The following NPTXR variants were observed in gnomAD, a reference collection of about 807,000 sequenced individuals.
The protein encoded by NPTXR is neuronal pentraxin receptor.
Under a neutral mutation model 32.2 loss-of-function variants are expected in NPTXR, and 12 were observed. That is an observed-to-expected ratio of 0.37 (90% confidence interval 0.24 to 0.60). The LOEUF is 0.60. NPTXR is among the 20% of genes least tolerant of loss of function. NPTXR has a pLI of 0.66. For missense variants in NPTXR, 612 were observed against 682.9 expected (o/e 0.90, Z 1.16); for synonymous variants, 323 against 315.8 (o/e 1.02, Z -0.24).
chr22:38,830,321 C>T (rs569034806), intron 1 of NPTXR, among the ~76,000 whole-genome samples: 7 of 152,312 alleles, frequency 4.6e-5, no homozygotes, highest in African/African-American at 1.7e-4. Flanking sequence ...GTGCCCAGAG[C>T]CTGGCCCACA....
At chr22:38,822,985 G>A in intron 4 of NPTXR, 98 bp downstream of exon 4, 1 of 1,518,804 alleles carries the variant, frequency 6.6e-7, no homozygotes, top group Middle Eastern at 1.7e-4. Flanking sequence ...CCACCTTCAA[G>A]ATTCTAGTTC....
chr22:38,825,168 G>A (rs934255426), intron 3 of NPTXR, among the ~76,000 whole-genome samples: 1 of 152,156 alleles, frequency 6.6e-6, no homozygotes, highest in African/African-American at 2.4e-5. Flanking sequence ...CCTTGTCCTT[G>A]TCCTGCCTTC....
At chr22:38,828,065 G>C (rs2093110077) in intron 2 of NPTXR, among the ~76,000 whole-genome samples, 1 of 152,176 alleles carries the variant, frequency 6.6e-6, no homozygotes, top group Non-Finnish European at 1.5e-5. Flanking sequence ...CAAGTACTTA[G>C]CCCACTCCCA....
intron 1 of NPTXR, among the ~76,000 whole-genome samples, chr22:38,836,731 CT>C: frequency 6.6e-6 from 1 of 152,188 alleles, no homozygotes; most frequent in Non-Finnish European, 1.5e-5. Flanking sequence ...CGATTTGTGT[CT>C]GTTTAAGTGA....
chr22:38,830,984 G>T (rs2093115276), intron 1 of NPTXR, among the ~76,000 whole-genome samples: 1 of 152,220 alleles, frequency 6.6e-6, no homozygotes, highest in Non-Finnish European at 1.5e-5. Flanking sequence ...GTGGGCATGG[G>T]ATGGGCGAGG....
rs1158449686 is a variant in NPTXR at position 38,822,569 on chromosome 22, A to G, written c.*40T>C. The stretch of plus-strand genomic sequence containing the variant: ...GAATATGACCCCCCTCAAGTCCCCA[A>G]AGTGGCAGGCAAGGGAGGGGCCCTG... On this transcript the variant is annotated 3_prime_UTR_variant, in exon 5 of 5. Transcript: ENST00000333039. The G allele has an allele frequency of 1.7e-5, 27 of 1,551,988 alleles. No homozygotes were observed. The highest frequency in any genetic ancestry group is 3.9e-5 in the Admixed American group (2 of 51,916).
chr22:38,833,626 C>T (rs1382215720), intron 1 of NPTXR, among the ~76,000 whole-genome samples: 1 of 150,978 alleles, frequency 6.6e-6, no homozygotes, highest in Admixed American at 6.6e-5. Context: ...GCATCACAGG[C>T]GTGTCTACTA....
chr22:38,826,838 C>T, intron 2 of NPTXR, 91 bp from the exon 3 acceptor site: 1 of 1,453,588 alleles, frequency 6.9e-7, no homozygotes, highest in East Asian at 2.3e-5. Context: ...TGGCTAACAG[C>T]TCCCAGGCAC....
rs35794436 is a variant in NPTXR at position 38,823,167 on chromosome 22, G to A, written c.1194C>T (p.Asp398=). 1.5e-3 allele frequency: 2,354 copies of A among 1,614,040 alleles called. 37 individuals carry two copies. In the African/African-American group the frequency reaches 0.027, roughly 19 times the overall value. ...TCTCACCGGAGCCCTGCAGCTCCCC[G>A]TCCTGGTAGGCAGACCATAGGCCAT... Residue 398 remains aspartate, a synonymous_variant, in exon 4 of 5, where the codon GAC becomes GAT. Transcript: ENST00000333039.
intron 1 of NPTXR, among the ~76,000 whole-genome samples, chr22:38,838,123 C>T (rs2093126721): frequency 6.6e-6 from 1 of 152,154 alleles, no homozygotes; most frequent in Non-Finnish European, 1.5e-5. Flanking sequence ...TCCCAAAGTG[C>T]TGGGATTACA....
At chr22:38,822,876 G>A (rs773683609) in intron 4 of NPTXR, 43 bp from the exon 5 acceptor site, 3 of 1,573,888 alleles carry the variant, frequency 1.9e-6, no homozygotes, top group South Asian at 1.1e-5. Flanking sequence ...CATGGAGTGA[G>A]GGAGCAGAAA....
intron 1 of NPTXR, among the ~76,000 whole-genome samples, chr22:38,836,936 TCCCGAGTAGCTGG>T (rs1282212871): frequency 1.4e-4 from 22 of 152,158 alleles, no homozygotes; most frequent in Non-Finnish European, 3.2e-4. Flanking sequence ...TGCCTCAGCC[TCCCGAGTAGCTGG>T]GACTATAGGT....
At chr22:38,832,210 C>T (rs2093117331) in intron 1 of NPTXR, among the ~76,000 whole-genome samples, 1 of 152,196 alleles carries the variant, frequency 6.6e-6, no homozygotes, top group South Asian at 2.1e-4. Flanking sequence ...TGTGTGAGTC[C>T]CTCCCCGTCC....
intron 4 of NPTXR, 85 bp from the exon 5 acceptor site, chr22:38,822,918 T>A (rs1258679545): frequency 2.8e-6 from 4 of 1,449,136 alleles, no homozygotes; most frequent in Non-Finnish European, 3.8e-6. Context: ...CAGGCTCTTG[T>A]CCCCGAGGCA....
Position 38,822,620 on chromosome 22 carries a change from C to T in NPTXR, c.1492G>A (p.Ala498Thr), listed in dbSNP as rs367835542. ...GATGAGGTGGCCCCTCATGCCTTGG[C>T]CCTCCCCTTGCAGACATCGAAGGCA... The change falls in exon 5 of 5, where the codon GCC becomes ACC. Residue 498 changes from alanine (A) to threonine (T), a missense_variant. By Grantham distance (58) the Ala-to-Thr change is moderately conservative (BLOSUM62 0). Transcript: ENST00000333039. 3.1e-6 allele frequency: 5 copies of T among 1,609,894 alleles called. No homozygotes were observed. The highest frequency in any genetic ancestry group is 3.4e-5 in the Admixed American group (2 of 59,592).
At chr22:38,839,439 G>A (rs1291376266) in intron 1 of NPTXR, among the ~76,000 whole-genome samples, 1 of 152,340 alleles carries the variant, frequency 6.6e-6, no homozygotes, top group East Asian at 1.9e-4. Flanking sequence ...GAGGTCAGGA[G>A]TTTGAGACCA....
chr22:38,842,767 G>A (rs2093133442), intron 1 of NPTXR, among the ~76,000 whole-genome samples: 1 of 152,232 alleles, frequency 6.6e-6, no homozygotes, highest in South Asian at 2.1e-4. Context: ...TGTGTAATGA[G>A]GGGAGGACCC....
rs185679128 is a variant in NPTXR at position 38,827,476 on chromosome 22, C to T, written c.851-729G>A. 1.7e-3 allele frequency among the ~76,000 whole-genome samples: 258 copies of T among 152,118 alleles called. 1 individual carries two copies. Among genetic ancestry groups the T allele is most frequent in the African/African-American group, 5.9e-3 (243 of 41,474 alleles). ...CTTGAACTCCTGACCTCAGGTGATC[C>T]GCCCACCTCAACCTCCCAAAGTGTC... On this transcript the variant is annotated intron_variant, in intron 2 of 4. Coordinates refer to ENST00000333039, the MANE Select transcript of NPTXR (RefSeq NM_014293.4).
rs1723365156 is a variant in NPTXR, at chr22:38,819,852, A to G, written c.*2757T>C. On this transcript the variant is annotated 3_prime_UTR_variant, in exon 5 of 5. Transcript: ENST00000333039. ...AAGATAGGAAAAGCGGGACCCAAAC[A>G]GTGGTGCTGGGGAAATTTGTTCCTG... 1 of 152,666 alleles carries G rather than the reference A, an allele frequency of 6.6e-6. No individual in the cohort carries two copies. Among genetic ancestry groups the G allele is most frequent in the Non-Finnish European group, 1.5e-5 (1 of 68,070 alleles). The allele number at this position is 152,666 out of a possible 1,614,324, so 9.5% of individuals were successfully genotyped here. A position where few individuals can be genotyped will look rare whatever the true frequency, so the allele number is the denominator to read the frequency against.
Sources: allele counts gnomAD v4.1 joint callset (sites outside exome capture counted in the v4.1 genomes callset), GRCh38; gene constraint gnomAD v4.1.1; transcripts MANE v1.5; gene names NCBI Gene and HGNC (gene_info 2026-07-23, HGNC 2026-07-21).